AMY2B: variants seen among roughly 807,000 people sequenced by gnomAD.
The protein encoded by AMY2B is alpha-amylase 2B.
AMY2B carries 63 observed loss-of-function variants against 59.3 expected under a neutral mutation model. The observed-to-expected ratio is 1.06, with a 90% CI of 0.87 to 1.31. AMY2B has a LOEUF of 1.31. AMY2B is among the 50% of genes most tolerant of loss of function. The pLI, the probability that AMY2B is intolerant of heterozygous loss-of-function variation, is 0.00. For synonymous variants in AMY2B, 180 were observed against 198.1 expected (o/e 0.91, Z 0.77); for missense variants, 635 against 626.7 (o/e 1.01, Z -0.14).
At position 103,573,060 on chromosome 1, in the gene AMY2B, T is replaced by G. The variant is rs1395479152; in HGVS notation, c.316-3T>G. 3 of 1,613,416 alleles carry G rather than the reference T, an allele frequency of 1.9e-6. No homozygotes were observed. In the Admixed American group the frequency reaches 5.0e-5, roughly 27 times the overall value. ...ACACTGAAGTAGAAACTTTGCTTTC[T>G]AGGTTCGTATTTATGTGGATGCTGT... On this transcript the variant is annotated splice_region_variant and splice_polypyrimidine_tract_variant and intron_variant, in intron 2 of 9. Coordinates refer to ENST00000684275, the MANE Select transcript of AMY2B (RefSeq NM_001387437.1).
chr1:103,569,154 C>G (rs1246309894), upstream of AMY2B: 1 of 152,056 alleles, frequency 6.6e-6, no homozygotes, highest in East Asian at 1.9e-4. Context: ...TACCTCCTAC[C>G]AGGTCCCTCT....
chr1:103,558,762 GAAA>G (rs781030633), intron 1 of AMY2B, among the ~76,000 whole-genome samples: 3 of 74,140 alleles, frequency 4.0e-5, no homozygotes, highest in Non-Finnish European at 5.6e-5. Context: ...GACCCCAACT[GAAA>G]AAAAAAAAAA....
intron 1 of AMY2B, among the ~76,000 whole-genome samples, chr1:103,559,487 C>A (rs1017065749): frequency 3.9e-5 from 6 of 152,114 alleles, no homozygotes; most frequent in Non-Finnish European, 7.4e-5. Context: ...ATAATACAGG[C>A]ATACCTTTGG....
rs201978965 is a variant in AMY2B at position 103,573,913 on chromosome 1, G to A, written c.719G>A (p.Gly240Glu). The A allele has an allele frequency of 6.2e-7, 1 of 1,613,760 alleles. No homozygotes were observed. Among genetic ancestry groups the A allele is most frequent in the African/African-American group, 1.3e-5 (1 of 75,002 alleles). Residue 240 changes from glycine to glutamate, a missense_variant, in exon 4 of 10, where the codon GGA (glycine) becomes GAA (glutamate). Coordinates refer to ENST00000684275, the MANE Select transcript of AMY2B (RefSeq NM_001387437.1). ...CTAAACAGTAACTGGTTCCCTGCAG[G>A]AAGTAAACCTTTCATTTACCAGGAG... Reference protein sequence around the residue: ...HNLNSNWFPAGSKPFIYQEVI... With the variant: ...HNLNSNWFPAESKPFIYQEVI...
Position 103,572,251 on chromosome 1 carries a change from G to A in AMY2B, c.310G>A (p.Val104Ile), listed in dbSNP as rs766776510. ...AAACATGGTGACTAGATGTAACAAT[G>A]TTGGGGTAAGTGAATTCTAGTTTCC... ...FRNMVTRCNN[V>I]GVRIYVDAVI... The change falls in exon 2 of 10, where the codon GTT (valine) becomes ATT (isoleucine). Residue 104 changes from valine to isoleucine, a missense_variant. Transcript: ENST00000684275. 7.5e-6 allele frequency: 12 copies of A among 1,609,954 alleles called. No homozygotes were observed. The East Asian group carries it at 2.7e-4, about 36-fold the overall frequency.
At chr1:103,563,240 A>G (rs181344957) in intron 1 of AMY2B, among the ~76,000 whole-genome samples, 3 of 152,210 alleles carry the variant, frequency 2.0e-5, no homozygotes, top group South Asian at 2.1e-4. Context: ...AATTCCCAAG[A>G]TATGTCATTT....
upstream of AMY2B, chr1:103,569,900 G>C: frequency 2.2e-6 from 1 of 464,196 alleles, no homozygotes; most frequent in South Asian, 1.8e-5. Flanking sequence ...GGCCAACAGA[G>C]AGAAGATGAC....
At chr1:103,573,534 A>C (rs1388148065) in intron 3 of AMY2B, among the ~76,000 whole-genome samples, 174 bp from the exon 4 acceptor site, 2 of 152,336 alleles carry the variant, frequency 1.3e-5, no homozygotes, top group Non-Finnish European at 2.9e-5. Flanking sequence ...ATTTTCTATT[A>C]GAAAATATTT....
rs2101061430 is a variant in AMY2B at position 103,560,582 on chromosome 1, A to G, written c.-206-4853A>G. ...CACATTTTCTGTTTTGTTAATGATT[A>G]GCACTGATTATACCCATGCATATTC... On this transcript the variant is annotated intron_variant, in intron 1 of 11. Transcript: ENST00000361355. Among the ~76,000 whole-genome samples, 3 of 152,300 alleles carry G rather than the reference A, an allele frequency of 2.0e-5. No individual in the cohort carries two copies. In the South Asian group the frequency reaches 6.2e-4, roughly 32 times the overall value.
upstream of AMY2B, chr1:103,554,682 A>C (rs1651489861): frequency 6.6e-6 from 1 of 152,582 alleles, no homozygotes; most frequent in South Asian, 2.1e-4. Flanking sequence ...TAGCCATCCA[A>C]CCTTATATTA....
At chr1:103,572,513 C>A (rs1179608743) in intron 2 of AMY2B, among the ~76,000 whole-genome samples, 6 of 152,122 alleles carry the variant, frequency 3.9e-5, no homozygotes, top group African/African-American at 1.4e-4. Context: ...ACTTTTATAC[C>A]TATCTATATT....
intron 1 of AMY2B, among the ~76,000 whole-genome samples, chr1:103,564,859 C>A (rs1231021273): frequency 6.6e-6 from 1 of 151,952 alleles, no homozygotes; most frequent in Non-Finnish European, 1.5e-5. Flanking sequence ...TTCAATATGT[C>A]CCCATATTCA....
upstream of AMY2B, among the ~76,000 whole-genome samples, chr1:103,567,203 C>T (rs1481327112): frequency 6.6e-6 from 1 of 152,030 alleles, no homozygotes; most frequent in Non-Finnish European, 1.5e-5. Context: ...TAGTTGCTTC[C>T]ACACTAAGTT....
At chr1:103,570,837 G>T, upstream of AMY2B, 5 of 409,244 alleles carry the variant, frequency 1.2e-5, no homozygotes, top group South Asian at 7.3e-5. Flanking sequence ...GCACTGGATT[G>T]TAGAACTTGT....
chr1:103,567,364 C>T (rs1011296459), upstream of AMY2B, among the ~76,000 whole-genome samples: 5 of 152,084 alleles, frequency 3.3e-5, no homozygotes, highest in Admixed American at 6.6e-5. Flanking sequence ...GCATCAGGAT[C>T]GACAGTGGAA....
In AMY2B at chr1:103,579,344, T is replaced by C. The variant is rs1488425163; in HGVS notation, c.1380T>C (p.Pro460=). The change falls in exon 10 of 10, where the codon CCT becomes CCC. Residue 460 remains proline (P), a synonymous_variant. Transcript: ENST00000684275. ...CTTTAACTTTGCAAACTGGTCTTCCTGCTGGCACATACTGTGATGTCATTT... is the reference window on the plus strand; with the variant it reads ...CTTTAACTTTGCAAACTGGTCTTCCCGCTGGCACATACTGTGATGTCATTT... ...TFSLTLQTGL[P]AGTYCDVISG... 9.3e-6 allele frequency: 15 copies of C among 1,611,694 alleles called. No individual in the cohort carries two copies. The highest frequency in any genetic ancestry group is 1.3e-5 in the Non-Finnish European group (15 of 1,179,732).
intron 9 of AMY2B, among the ~76,000 whole-genome samples, chr1:103,578,314 C>T (rs1296198272): frequency 1.3e-5 from 2 of 152,062 alleles, no homozygotes; most frequent in Non-Finnish European, 2.9e-5. Context: ...TCTCTGTCTC[C>T]TTGTGACAAA....
intron 1 of AMY2B, among the ~76,000 whole-genome samples, chr1:103,562,672 C>CTTTT (rs373215753): frequency 1.8e-5 from 2 of 112,088 alleles, no homozygotes; most frequent in Non-Finnish European, 1.9e-5. Context: ...GATAACTTGT[C>CTTTT]TTTTTTTTTT....
intron 9 of AMY2B, among the ~76,000 whole-genome samples, chr1:103,578,189 A>G (rs1238922552): frequency 2.0e-5 from 3 of 152,178 alleles, no homozygotes; most frequent in East Asian, 3.8e-4. Flanking sequence ...AACATGTCTT[A>G]TATTCCTGTT....
Sources: allele counts gnomAD v4.1 joint callset (sites outside exome capture counted in the v4.1 genomes callset), GRCh38; gene constraint gnomAD v4.1.1; transcripts MANE v1.5; gene names NCBI Gene and HGNC (gene_info 2026-07-23, HGNC 2026-07-21).